CLEC16A: variants seen among roughly 807,000 people sequenced by gnomAD.
The protein encoded by CLEC16A is C-type lectin domain containing 16A.
In CLEC16A, 51 loss-of-function variants were observed where a neutral mutation model predicts 109.5. That is an observed-to-expected ratio of 0.47 (90% confidence interval 0.37 to 0.59). The LOEUF (loss-of-function observed/expected upper bound fraction) is 0.59, where lower values mean the gene tolerates loss of function less well. Ranked by LOEUF, CLEC16A falls within the 20% of genes least tolerant of loss-of-function variation. The pLI is 0.00. For synonymous variants in CLEC16A, 673 were observed against 564.2 expected (o/e 1.19, Z -2.73); for missense variants, 1,339 against 1,394.0 (o/e 0.96, Z 0.63).
intron 15 of CLEC16A, among the ~76,000 whole-genome samples, chr16:11,042,798 T>C (rs2047412345): frequency 1.3e-5 from 2 of 151,716 alleles, no homozygotes; most frequent in Admixed American, 6.6e-5. Flanking sequence ...ATTTAGGAAG[T>C]AGAAAGGTAA....
chr16:11,008,047 C>T (rs993305898), intron 11 of CLEC16A, among the ~76,000 whole-genome samples: 1 of 152,090 alleles, frequency 6.6e-6, no homozygotes, highest in African/African-American at 2.4e-5. Flanking sequence ...GAAGGGCTGC[C>T]CCCAGTACTT....
intron 10 of CLEC16A, among the ~76,000 whole-genome samples, chr16:10,999,019 T>C (rs1163510144): frequency 1.3e-5 from 2 of 152,246 alleles, no homozygotes; most frequent in African/African-American, 4.8e-5. Context: ...AAACAGGTTT[T>C]TAAAATATAG....
rs778844500 is a variant in CLEC16A, at chr16:10,971,082, C to G, written c.493-43C>G. The G allele has an allele frequency of 2.3e-6, 3 of 1,315,628 alleles. No homozygotes were observed. The Admixed American group carries it at 5.4e-5, about 24-fold the overall frequency. 81.5% of individuals were successfully genotyped at this position (1,315,628 alleles called of 1,614,324 possible). On this transcript the variant is annotated intron_variant, in intron 4 of 23. Transcript: ENST00000409790. ...AGAGTTGGGGTGGGGCCAGGCCTGG[C>G]TTATGGGCTTATAATTTGTTTTCGT...
intron 21 of CLEC16A, among the ~76,000 whole-genome samples, chr16:11,125,632 C>T (rs369586120): frequency 7.2e-5 from 11 of 152,360 alleles, no homozygotes; most frequent in African/African-American, 2.6e-4. Flanking sequence ...CGCTTGGGGT[C>T]TGAAACAGCC....
intron 18 of CLEC16A, 53 bp from the exon 19 acceptor site, chr16:11,060,836 GTGGGGCATCTCAC>G: frequency 6.9e-7 from 1 of 1,442,340 alleles, no homozygotes; most frequent in Non-Finnish European, 9.2e-7. Context: ...ATTTCTGGGT[GTGGGGCATCTCAC>G]TGAAATGACT....
chr16:11,156,956 G>T, intron 22 of CLEC16A: 4 of 345,204 alleles, frequency 1.2e-5, no homozygotes, highest in Non-Finnish European at 2.0e-5. Context: ...AGCAAAAGGG[G>T]CATTAGACTT....
At chr16:11,012,398 A>G (rs2045476971) in intron 11 of CLEC16A, among the ~76,000 whole-genome samples, 1 of 152,154 alleles carries the variant, frequency 6.6e-6, no homozygotes, top group Non-Finnish European at 1.5e-5. Flanking sequence ...GATCGAGACG[A>G]TCCTGGCTAA....
chr16:10,962,346 T>C, intron 2 of CLEC16A, 109 bp from the exon 3 acceptor site: 2 of 1,365,280 alleles, frequency 1.5e-6, no homozygotes, highest in East Asian at 2.3e-5. Context: ...TGCAGATACC[T>C]TGGGGGAGAG....
intron 19 of CLEC16A, among the ~76,000 whole-genome samples, chr16:11,103,704 A>T (rs762650514): frequency 6.6e-6 from 1 of 151,984 alleles, no homozygotes; most frequent in Non-Finnish European, 1.5e-5. Flanking sequence ...GTCCCATGGC[A>T]TGTAATTGTC....
chr16:11,174,314 C>A lies in CLEC16A; in HGVS notation c.2807-4021C>A. The A allele has an allele frequency of 2.3e-6, 1 of 435,808 alleles. No individual in the cohort carries two copies. The allele number at this position is 435,808 out of a possible 1,614,324, so 27.0% of individuals were successfully genotyped here. A position where few individuals can be genotyped will look rare whatever the true frequency, so the allele number is the denominator to read the frequency against. ...CTGTGAGCCGCTCGGGCCGCGACGTCCACTCGCCACGCTGCATTTCCACAG... is the reference window on the plus strand; with the variant it reads ...CTGTGAGCCGCTCGGGCCGCGACGTACACTCGCCACGCTGCATTTCCACAG... On this transcript the variant is annotated intron_variant, in intron 23 of 23. Coordinates refer to ENST00000409790, the MANE Select transcript of CLEC16A (RefSeq NM_015226.3). This position sits in a 1 kb window ranked among gnomAD's most constrained non-coding sequence, Gnocchi z 4.7.
chr16:11,016,314 A>T (rs1220622139), intron 11 of CLEC16A, among the ~76,000 whole-genome samples: 1 of 151,382 alleles, frequency 6.6e-6, no homozygotes, highest in African/African-American at 2.4e-5. Flanking sequence ...CCCCGACAGC[A>T]GTCTGCACCA....
chr16:10,948,151 C>T (rs1052252793), intron 1 of CLEC16A, among the ~76,000 whole-genome samples: 5 of 152,192 alleles, frequency 3.3e-5, no homozygotes, highest in Non-Finnish European at 7.3e-5. Context: ...CCTTGACCTC[C>T]CAAAGTGCTG....
chr16:11,127,208 T>TG (rs1178806376), intron 22 of CLEC16A, among the ~76,000 whole-genome samples: 21 of 152,262 alleles, frequency 1.4e-4, no homozygotes, highest in Non-Finnish European at 2.6e-4. Flanking sequence ...ATACCGTATG[T>TG]CTGATGCTGC....
chr16:11,118,156 G>C (rs968225229), intron 19 of CLEC16A, among the ~76,000 whole-genome samples: 4 of 151,658 alleles, frequency 2.6e-5, no homozygotes, highest in Admixed American at 6.6e-5. Flanking sequence ...GTCTCACTAT[G>C]TTGCCCAGGC....
chr16:11,002,454 C>G (rs931440407), intron 10 of CLEC16A, among the ~76,000 whole-genome samples: 3 of 152,204 alleles, frequency 2.0e-5, no homozygotes, highest in African/African-American at 7.2e-5. Flanking sequence ...AATAATAGAT[C>G]TGGAGGTGGC....
At chr16:11,126,276 C>T in intron 22 of CLEC16A, 130 bp downstream of exon 22, 1 of 1,551,168 alleles carries the variant, frequency 6.4e-7, no homozygotes, top group Non-Finnish European at 8.7e-7. Context: ...GCACCAGCTT[C>T]TTAGAATTTG....
At chr16:11,049,346 C>T (rs910762366) in intron 17 of CLEC16A, among the ~76,000 whole-genome samples, 8 of 152,122 alleles carry the variant, frequency 5.3e-5, no homozygotes, top group African/African-American at 1.9e-4. Context: ...ATCCCTACCT[C>T]ATAGCCACCC....
intron 18 of CLEC16A, 131 bp from the exon 19 acceptor site, chr16:11,060,771 C>T (rs983648618): frequency 8.3e-6 from 8 of 961,880 alleles, no homozygotes; most frequent in African/African-American, 1.7e-5. Flanking sequence ...TCAAAACACC[C>T]GAAGAGGTGG....
chr16:11,008,031 A>G (rs1309054077), intron 11 of CLEC16A, among the ~76,000 whole-genome samples: 2 of 152,158 alleles, frequency 1.3e-5, no homozygotes, highest in African/African-American at 2.4e-5. Context: ...TAATAAAAAA[A>G]CAAAGGAAGG....
Sources: gnomAD v4.1 joint callset for allele counts (sites outside exome capture counted in the v4.1 genomes callset) on GRCh38, gnomAD v4.1.1 for gene constraint, Gnocchi (gnomAD v3.1) non-coding constraint, MANE v1.5 for transcripts, NCBI Gene and HGNC (gene_info 2026-07-23, HGNC 2026-07-21) for gene names.